Variants in STARD13 observed in about 807,000 individuals in gnomAD.
The protein encoded by STARD13 is stAR-related lipid transfer protein 13.
Under a neutral mutation model 106.4 loss-of-function variants are expected in STARD13, and 62 were observed. The ratio of observed to expected loss-of-function variants is 0.58; its 90% CI spans 0.48 to 0.72. The LOEUF is 0.72. STARD13 is among the 30% of genes least tolerant of loss of function. The pLI, the probability that STARD13 is intolerant of heterozygous loss-of-function variation, is 0.00. For missense variants in STARD13, 1,387 were observed against 1,424.0 expected (o/e 0.97, Z 0.42); for synonymous variants, 565 against 553.0 (o/e 1.02, Z -0.31).
At chr13:33,671,464 T>A in the STARD13 span, among the ~76,000 whole-genome samples, 1 of 152,310 alleles carries the variant, frequency 6.6e-6, no homozygotes, top group Admixed American at 6.5e-5. Context: ...AGGATGGTCG[T>A]GATCACACCT....
the STARD13 span, among the ~76,000 whole-genome samples, chr13:33,646,553 G>C: frequency 2.6e-5 from 4 of 152,190 alleles, no homozygotes; most frequent in Admixed American, 2.6e-4. Flanking sequence ...CAGGCATGGT[G>C]TCTCTGGGGA....
chr13:33,264,854 C>T lies in STARD13; in HGVS notation c.169+20616G>A, dbSNP rs185214351. On this transcript the variant is annotated intron_variant, in intron 1 of 13. Transcript: ENST00000336934. ...GCCAAGCAGAGAGTCTTTGCTGACT[C>T]AACATAACCTCTGCCCATCTTGACC... Among the ~76,000 whole-genome samples the T allele has an allele frequency of 1.4e-3, 219 of 152,246 alleles. 2 individuals are homozygous for T. The highest frequency in any genetic ancestry group is 2.9e-3 in the Admixed American group (45 of 15,290).
chr13:33,329,127 T>A (rs1418157825), intron 1 of STARD13, among the ~76,000 whole-genome samples: 1 of 152,226 alleles, frequency 6.6e-6, no homozygotes, highest in Non-Finnish European at 1.5e-5. Context: ...CATGAGAGGT[T>A]GAACTTATAC....
chr13:33,190,126 C>T (rs1266270759), intron 1 of STARD13, among the ~76,000 whole-genome samples: 1 of 151,908 alleles, frequency 6.6e-6, no homozygotes. Flanking sequence ...TTATTTTACC[C>T]TAAATCTGGT....
At chr13:33,587,745 A>G in the STARD13 span, among the ~76,000 whole-genome samples, 1 of 152,242 alleles carries the variant, frequency 6.6e-6, no homozygotes, top group Non-Finnish European at 1.5e-5. Flanking sequence ...GTGCTTCCCA[A>G]CAAGGTAGTC....
At chr13:33,282,429 CCTT>C (rs1338647368) in intron 1 of STARD13, among the ~76,000 whole-genome samples, 9 of 152,112 alleles carry the variant, frequency 5.9e-5, no homozygotes, top group Non-Finnish European at 1.3e-4. Flanking sequence ...TATTTCTCCT[CCTT>C]GTTTTTCCTC....
intron 1 of STARD13, among the ~76,000 whole-genome samples, chr13:33,228,464 G>C (rs902559899): frequency 6.6e-6 from 1 of 150,618 alleles, no homozygotes; most frequent in African/African-American, 2.4e-5. Flanking sequence ...AGTTAAAATT[G>C]AGCTCCTGTT....
At chr13:33,494,151 T>C in the STARD13 span, among the ~76,000 whole-genome samples, 1 of 152,092 alleles carries the variant, frequency 6.6e-6, no homozygotes, top group Non-Finnish European at 1.5e-5. Context: ...GATGCTTCCT[T>C]CCCATTTGAC....
chr13:33,172,044 C>A (rs896131822), intron 1 of STARD13, among the ~76,000 whole-genome samples: 1 of 152,128 alleles, frequency 6.6e-6, no homozygotes, highest in Non-Finnish European at 1.5e-5. Flanking sequence ...ATTATACATG[C>A]CCAGTGTTGA....
chr13:33,547,279 G>A, the STARD13 span, among the ~76,000 whole-genome samples: 1 of 152,182 alleles, frequency 6.6e-6, no homozygotes, highest in African/African-American at 2.4e-5. Context: ...CCTATGCCAG[G>A]TGAAATTTGA....
chr13:33,472,204 G>T, the STARD13 span, among the ~76,000 whole-genome samples: 1 of 151,648 alleles, frequency 6.6e-6, no homozygotes, highest in African/African-American at 2.4e-5. Context: ...TAATTTTTGA[G>T]GTTACCTAGT....
chr13:33,627,651 A>AT, the STARD13 span, among the ~76,000 whole-genome samples: 2,263 of 151,586 alleles, frequency 0.015, 54 homozygotes, highest in African/African-American at 0.049. Flanking sequence ...AAAAAAAAAA[A>AT]ATGTTCTTTT....
Position 33,129,705 on chromosome 13 carries a change from T to C in STARD13, c.972A>G (p.Pro324=), listed in dbSNP as rs1337452193. ...SPPPACRKGL[P]CSGKSSGESS... is the part of the protein sequence containing the mutation. ...TCTCGCCACTCGACTTGCCAGAGCA[T>C]GGGAGCCCTTTTCTGCAGGCAGGTG... is the stretch of plus-strand genomic sequence containing the variant. The change falls in exon 5 of 14, where the codon CCA becomes CCG. Residue 324 remains proline, a synonymous_variant. Coordinates refer to ENST00000336934, the MANE Select transcript of STARD13 (RefSeq NM_178006.4). The C allele has an allele frequency of 2.5e-6, 4 of 1,614,136 alleles. No homozygotes were observed. Among genetic ancestry groups the C allele is most frequent in the South Asian group, 2.2e-5 (2 of 91,080 alleles).
the STARD13 span, among the ~76,000 whole-genome samples, chr13:33,534,640 T>A: frequency 6.6e-6 from 1 of 152,206 alleles, no homozygotes; most frequent in Non-Finnish European, 1.5e-5. Context: ...TAGAATACAC[T>A]GTTGAAACAC....
the STARD13 span, among the ~76,000 whole-genome samples, chr13:33,538,621 AC>A: frequency 2.7e-5 from 4 of 149,990 alleles, no homozygotes; most frequent in Non-Finnish European, 5.9e-5. Context: ...AAAAAACACC[AC>A]TCAGAGCCCA....
chr13:33,185,002 CACTG>C (rs1182801191), intron 1 of STARD13, among the ~76,000 whole-genome samples: 1 of 152,208 alleles, frequency 6.6e-6, no homozygotes. Context: ...CAAGAAAATG[CACTG>C]TCCTGTAGCT....
At chr13:33,513,352 C>T in the STARD13 span, among the ~76,000 whole-genome samples, 205 of 152,198 alleles carry the variant, frequency 1.3e-3, 4 homozygotes, top group African/African-American at 4.8e-3. Flanking sequence ...GGGTCTGAGG[C>T]GTGGTCTCCA....
chr13:33,387,036 G>T, the STARD13 span, among the ~76,000 whole-genome samples: 3 of 152,124 alleles, frequency 2.0e-5, no homozygotes, highest in African/African-American at 7.2e-5. Flanking sequence ...TAGAGATGGG[G>T]TTTCTGTTGC....
At chr13:33,194,007 G>GTT (rs5802672) in intron 1 of STARD13, among the ~76,000 whole-genome samples, 1 of 151,936 alleles carries the variant, frequency 6.6e-6, no homozygotes, top group African/African-American at 2.4e-5. Flanking sequence ...TTTTCAGGTT[G>GTT]TTTTTTTCCT....
Sources: gnomAD v4.1 joint callset for allele counts (sites outside exome capture counted in the v4.1 genomes callset) on GRCh38, gnomAD v4.1.1 for gene constraint, MANE v1.5 for transcripts, NCBI Gene and HGNC (gene_info 2026-07-23, HGNC 2026-07-21) for gene names.